NUDCD3: variants seen among roughly 807,000 people sequenced by gnomAD.
The protein encoded by NUDCD3 is nudC domain-containing protein 3.
NUDCD3 carries 13 observed loss-of-function variants against 39.7 expected under a neutral mutation model. The observed-to-expected ratio is 0.33, with a 90% confidence interval of 0.21 to 0.52. The LOEUF is 0.52. Ranked by LOEUF, NUDCD3 falls within the 20% of genes least tolerant of loss-of-function variation. The pLI, the probability that NUDCD3 is intolerant of heterozygous loss-of-function variation, is 0.96. For missense variants in NUDCD3, 453 were observed against 458.1 expected, an observed-to-expected ratio of 0.99 and a Z score of 0.10; for synonymous variants, 175 against 172.4, an observed-to-expected ratio of 1.02 and a Z score of -0.12.
intron 2 of NUDCD3, among the ~76,000 whole-genome samples, chr7:44,458,936 C>G (rs1456944503): frequency 8.6e-6 from 1 of 116,062 alleles, no homozygotes; most frequent in Non-Finnish European, 1.7e-5. Context: ...ACGGGGAGTG[C>G]TGTGTGTGTG....
chr7:44,417,781 G>C (rs988984039), intron 3 of NUDCD3, among the ~76,000 whole-genome samples: 2 of 152,178 alleles, frequency 1.3e-5, no homozygotes, highest in Non-Finnish European at 2.9e-5. Flanking sequence ...TTTGAAAATA[G>C]AATTCCGTGT....
intron 2 of NUDCD3, chr7:44,468,064 C>T (rs745721714): frequency 1.1e-5 from 17 of 1,612,406 alleles, no homozygotes; most frequent in Non-Finnish European, 1.4e-5. Flanking sequence ...TCTTGATGCC[C>T]AACATTGGTT....
At chr7:44,461,319 G>C (rs1288204906) in intron 2 of NUDCD3, among the ~76,000 whole-genome samples, 1 of 152,188 alleles carries the variant, frequency 6.6e-6, no homozygotes, top group Admixed American at 6.5e-5. Flanking sequence ...AGCCCCTTGA[G>C]CATCTCCCAC....
chr7:44,382,125 G>A lies in NUDCD3; in HGVS notation c.*3886C>T, dbSNP rs547979503. ...GACCCCTGTCACACCAAGGAGCCCA[G>A]CGATGGGGGGGTTTCTTCCCTCCCT... is the stretch of plus-strand genomic sequence containing the variant. On this transcript the variant is annotated 3_prime_UTR_variant, in exon 6 of 6. Transcript: ENST00000355451. 6.6e-6 allele frequency: 1 copy of A among 152,304 alleles called. No individual in the cohort carries two copies. Among genetic ancestry groups the A allele is most frequent in the Admixed American group, 6.5e-5 (1 of 15,304 alleles). 9.4% of individuals were successfully genotyped at this position (152,304 alleles called of 1,614,324 possible). A position where few individuals can be genotyped will look rare whatever the true frequency, so the allele number is the denominator to read the frequency against.
chr7:44,469,136 A>AT (rs1393837493), intron 2 of NUDCD3, among the ~76,000 whole-genome samples: 1 of 150,406 alleles, frequency 6.6e-6, no homozygotes, highest in Non-Finnish European at 1.5e-5. Context: ...AAAAAAAAAA[A>AT]AAAAACAGGA....
intron 2 of NUDCD3, among the ~76,000 whole-genome samples, chr7:44,447,000 G>A (rs1205449499): frequency 6.6e-6 from 1 of 152,218 alleles, no homozygotes; most frequent in Admixed American, 6.5e-5. Flanking sequence ...ACAAATGTCA[G>A]AAAGTCATTT....
intron 2 of NUDCD3, among the ~76,000 whole-genome samples, chr7:44,480,979 GAA>G (rs781601614): frequency 2.3e-5 from 2 of 88,794 alleles, no homozygotes; most frequent in African/African-American, 8.4e-5. Context: ...CCAAAAATTT[GAA>G]AAAAAAAAAA....
chr7:44,474,304 A>G (rs1410855326), intron 2 of NUDCD3, among the ~76,000 whole-genome samples: 1 of 152,240 alleles, frequency 6.6e-6, no homozygotes, highest in Non-Finnish European at 1.5e-5. Context: ...CTCAGATAGT[A>G]GGGTAATTAG....
intron 3 of NUDCD3, among the ~76,000 whole-genome samples, chr7:44,417,290 T>C (rs928807803): frequency 2.0e-5 from 3 of 152,172 alleles, no homozygotes; most frequent in Non-Finnish European, 4.4e-5. Flanking sequence ...AGACAAGACA[T>C]CAGGGCAGGA....
rs939633526 is a variant in NUDCD3 at position 44,382,132 on chromosome 7, G to A, written c.*3879C>T. On this transcript the variant is annotated 3_prime_UTR_variant, in exon 6 of 6. Transcript: ENST00000355451. ...GTCACACCAAGGAGCCCAGCGATGGGGGGGTTTCTTCCCTCCCTCTGAGGT... is the reference window on the plus strand; with the variant it reads ...GTCACACCAAGGAGCCCAGCGATGGAGGGGTTTCTTCCCTCCCTCTGAGGT... 6.6e-6 allele frequency: 1 copy of A among 152,130 alleles called. No individual in the cohort carries two copies. The highest frequency in any genetic ancestry group is 2.4e-5 in the African/African-American group (1 of 41,422). 9.4% of individuals were successfully genotyped at this position (152,130 alleles called of 1,614,324 possible).
intron 2 of NUDCD3, chr7:44,471,676 C>G (rs1467389020): frequency 6.6e-6 from 1 of 152,364 alleles, no homozygotes; most frequent in Admixed American, 6.5e-5. Flanking sequence ...CACAGAATCA[C>G]CTACTCAGGG....
intron 2 of NUDCD3, among the ~76,000 whole-genome samples, chr7:44,449,871 T>G (rs1370401808): frequency 4.2e-5 from 6 of 143,960 alleles, no homozygotes; most frequent in African/African-American, 7.7e-5. Context: ...AAAAAAAAAC[T>G]GATACACTGC....
intron 2 of NUDCD3, among the ~76,000 whole-genome samples, chr7:44,432,464 G>A (rs1311796233): frequency 2.0e-5 from 3 of 152,218 alleles, no homozygotes; most frequent in Non-Finnish European, 4.4e-5. Context: ...CTTCTCCAGA[G>A]AGAGAATGCC....
At chr7:44,473,901 G>A (rs767852665) in intron 2 of NUDCD3, among the ~76,000 whole-genome samples, 6 of 152,130 alleles carry the variant, frequency 3.9e-5, no homozygotes, top group Non-Finnish European at 7.4e-5. Flanking sequence ...ATGAGGCATT[G>A]GTGTTTGGAG....
intron 2 of NUDCD3, among the ~76,000 whole-genome samples, chr7:44,428,302 A>G (rs1400744346): frequency 6.6e-6 from 1 of 151,870 alleles, no homozygotes; most frequent in Non-Finnish European, 1.5e-5. Context: ...TGAGCATGGG[A>G]GCACATGCCT....
chr7:44,454,936 A>AACACACAC (rs10539692), intron 2 of NUDCD3, among the ~76,000 whole-genome samples: 32 of 143,324 alleles, frequency 2.2e-4, no homozygotes, highest in Admixed American at 2.8e-4. Context: ...CCTGTCTCAA[A>AACACACAC]ACACACACAC....
At chr7:44,404,339 A>C in intron 4 of NUDCD3, 101 bp downstream of exon 4, 1 of 1,234,442 alleles carries the variant, frequency 8.1e-7, no homozygotes, top group Non-Finnish European at 1.2e-6. Context: ...TGAAATTAAC[A>C]ACCTCACTGC....
At chr7:44,403,389 C>A (rs887015467) in intron 4 of NUDCD3, among the ~76,000 whole-genome samples, 1 of 152,212 alleles carries the variant, frequency 6.6e-6, no homozygotes, top group Non-Finnish European at 1.5e-5. Context: ...GTTGAGGCCA[C>A]GGCAGCACCA....
chr7:44,391,137 A>G (rs1332527557), intron 5 of NUDCD3, among the ~76,000 whole-genome samples: 4 of 152,118 alleles, frequency 2.6e-5, no homozygotes, highest in African/African-American at 9.7e-5. Context: ...CAATCTCTCT[A>G]TTGTGGGGGG....
Sources: allele counts gnomAD v4.1 joint callset (sites outside exome capture counted in the v4.1 genomes callset), GRCh38; gene constraint gnomAD v4.1.1; transcripts MANE v1.5; gene names NCBI Gene and HGNC (gene_info 2026-07-23, HGNC 2026-07-21).